Variants in NRG3 observed in about 807,000 individuals in gnomAD.
NRG3 encodes neuregulin 3.
In NRG3, 31 loss-of-function variants were observed where a neutral mutation model predicts 66.9. The ratio of observed to expected loss-of-function variants is 0.46; its 90% CI spans 0.35 to 0.63. The LOEUF is 0.63. Among genes scored for constraint, NRG3 ranks in the 20% least tolerant of loss-of-function variants. The pLI is 0.00. For missense variants in NRG3, 910 were observed against 878.9 expected (o/e 1.04, Z -0.45); for synonymous variants, 393 against 359.4 (o/e 1.09, Z -1.06).
At chr10:82,923,920 A>C (rs1003914798) in intron 4 of NRG3, among the ~76,000 whole-genome samples, 1 of 151,838 alleles carries the variant, frequency 6.6e-6, no homozygotes, top group Middle Eastern at 3.4e-3. Flanking sequence ...AACATGGTGA[A>C]ACCCCATCTC....
At chr10:81,939,715 A>G (rs1215308179) in intron 1 of NRG3, among the ~76,000 whole-genome samples, 1 of 142,140 alleles carries the variant, frequency 7.0e-6, no homozygotes, top group African/African-American at 2.7e-5. Context: ...AAAAAAAAAA[A>G]CCCAAATCTT....
At chr10:82,721,122 CCT>C (rs1491476837) in intron 2 of NRG3, among the ~76,000 whole-genome samples, 1 of 127,730 alleles carries the variant, frequency 7.8e-6, no homozygotes, top group African/African-American at 2.9e-5. Context: ...AGAGTTTCAC[CCT>C]TTTTTTTTTT....
chr10:82,973,956 C>A (rs1564682911), intron 7 of NRG3, 41 bp downstream of exon 7: 2 of 1,611,140 alleles, frequency 1.2e-6, no homozygotes, highest in Non-Finnish European at 1.7e-6. Context: ...CACCTTCACA[C>A]TGTGTGTATG....
chr10:82,792,933 G>A (rs750206081), intron 3 of NRG3, among the ~76,000 whole-genome samples: 83 of 151,920 alleles, frequency 5.5e-4, no homozygotes, highest in Non-Finnish European at 2.8e-4. Context: ...CGCCCACCTC[G>A]GCGTCCCAAA....
chr10:82,202,218 A>G lies in NRG3; in HGVS notation c.824-156521A>G, dbSNP rs376613174. ...TCACTAAGCCCCCTGACTCACACAC[A>G]TGACACAGGGATCTGGAGATCTCTG... is the stretch of plus-strand genomic sequence containing the variant. On this transcript the variant is annotated intron_variant, in intron 1 of 8. Coordinates refer to ENST00000372141, the MANE Select transcript of NRG3 (RefSeq NM_001010848.4). 1.5e-4 allele frequency among the ~76,000 whole-genome samples: 23 copies of G among 152,304 alleles called. No individual in the cohort carries two copies. In the East Asian group the frequency reaches 3.3e-3, roughly 22 times the overall value.
At chr10:82,608,031 T>C (rs1326450600) in intron 2 of NRG3, among the ~76,000 whole-genome samples, 18 of 152,166 alleles carry the variant, frequency 1.2e-4, no homozygotes, top group Admixed American at 1.2e-3. Context: ...CCTTTTCTAA[T>C]GCTCTTCCCT....
At chr10:82,332,254 C>G (rs1007137742) in intron 1 of NRG3, among the ~76,000 whole-genome samples, 15 of 152,200 alleles carry the variant, frequency 9.9e-5, no homozygotes, top group African/African-American at 3.6e-4. Context: ...GACTAAGACA[C>G]TGTGTCAGTG....
chr10:81,959,827 C>A (rs1850184558), intron 1 of NRG3, among the ~76,000 whole-genome samples: 1 of 152,086 alleles, frequency 6.6e-6, no homozygotes, highest in African/African-American at 2.4e-5. Context: ...TAAGATGTTA[C>A]ATAGAGGTTA....
chr10:82,921,078 A>G (rs1258526290), intron 4 of NRG3, among the ~76,000 whole-genome samples: 2 of 152,132 alleles, frequency 1.3e-5, no homozygotes, highest in African/African-American at 4.8e-5. Flanking sequence ...AAGTAACATT[A>G]CAATTGAGAA....
intron 2 of NRG3, among the ~76,000 whole-genome samples, chr10:82,424,797 T>C (rs567342454): frequency 2.0e-4 from 30 of 152,032 alleles, no homozygotes; most frequent in Non-Finnish European, 3.8e-4. Flanking sequence ...CTATGATCTA[T>C]TTTGAGTTAA....
chr10:82,697,825 G>A (rs546186391), intron 2 of NRG3, among the ~76,000 whole-genome samples: 2 of 152,222 alleles, frequency 1.3e-5, no homozygotes, highest in African/African-American at 4.8e-5. Flanking sequence ...AAAGTCATTA[G>A]GAATGTGTCA....
intron 1 of NRG3, among the ~76,000 whole-genome samples, chr10:81,895,382 T>C (rs2132600455): frequency 6.6e-6 from 1 of 152,260 alleles, no homozygotes; most frequent in South Asian, 2.1e-4. Flanking sequence ...ATCTGCATAC[T>C]CAGATTATTG....
At chr10:82,096,524 A>G (rs1040684850) in intron 1 of NRG3, among the ~76,000 whole-genome samples, 3 of 152,048 alleles carry the variant, frequency 2.0e-5, no homozygotes, top group Non-Finnish European at 2.9e-5. Flanking sequence ...AAACATGAAC[A>G]TGAGTTAAAC....
Position 82,708,169 on chromosome 10 carries a change from G to A in NRG3, c.954-30408G>A, listed in dbSNP as rs540614950. ...ATATTGCTCATCTGCTATTTTTTCC[G>A]TTTATTTTTGTGGGATTACTGTGAA... On this transcript the variant is annotated intron_variant, in intron 2 of 8. Coordinates refer to ENST00000372141, the MANE Select transcript of NRG3 (RefSeq NM_001010848.4). Among the ~76,000 whole-genome samples the A allele has an allele frequency of 5.1e-4, 78 of 151,752 alleles. 1 individual carries two copies. The highest frequency in any genetic ancestry group is 2.7e-3 in the Admixed American group (41 of 15,236).
chr10:82,146,163 T>C (rs188833256), intron 1 of NRG3, among the ~76,000 whole-genome samples: 2 of 152,322 alleles, frequency 1.3e-5, no homozygotes, highest in Admixed American at 1.3e-4. Context: ...TAAAGCCTGC[T>C]TTTGTTTCTA....
intron 4 of NRG3, among the ~76,000 whole-genome samples, chr10:82,950,746 T>C (rs1444369639): frequency 6.6e-6 from 1 of 152,144 alleles, no homozygotes; most frequent in Non-Finnish European, 1.5e-5. Context: ...AAAGTCTTGA[T>C]GAGATGGAAG....
At chr10:81,879,769 A>T (rs909824279) in intron 1 of NRG3, among the ~76,000 whole-genome samples, 1 of 152,248 alleles carries the variant, frequency 6.6e-6, no homozygotes, top group Non-Finnish European at 1.5e-5. Flanking sequence ...AGAGGCATTG[A>T]TAAAATCAAG....
chr10:82,222,787 G>A (rs2076003004), intron 1 of NRG3, among the ~76,000 whole-genome samples: 1 of 151,946 alleles, frequency 6.6e-6, no homozygotes. Context: ...CCAAATTGTT[G>A]GCATCAATCT....
At chr10:82,111,105 A>G (rs929547441) in intron 1 of NRG3, among the ~76,000 whole-genome samples, 1 of 152,154 alleles carries the variant, frequency 6.6e-6, no homozygotes, top group Non-Finnish European at 1.5e-5. Flanking sequence ...AATTTTGAAA[A>G]CATGTTCCCA....
Sources: allele counts gnomAD v4.1 joint callset (sites outside exome capture counted in the v4.1 genomes callset), GRCh38; gene constraint gnomAD v4.1.1; transcripts MANE v1.5; gene names NCBI Gene and HGNC (gene_info 2026-07-23, HGNC 2026-07-21).